Variants in KMT2B observed in about 807,000 individuals in gnomAD.
KMT2B encodes lysine methyltransferase 2B, also known as histone-lysine N-methyltransferase 2B.
KMT2B carries 22 observed loss-of-function variants against 255.3 expected under a neutral mutation model. The observed-to-expected ratio is 0.09, with a 90% CI of 0.06 to 0.12. The LOEUF (loss-of-function observed/expected upper bound fraction) is 0.12, where lower values mean the gene tolerates loss of function less well. KMT2B is among the 10% of genes least tolerant of loss of function. The pLI is 1.00. For synonymous variants in KMT2B, 1,730 were observed against 1,498.1 expected, an observed-to-expected ratio of 1.15 and a Z score of -3.57; for missense variants, 3,149 against 3,737.0, an observed-to-expected ratio of 0.84 and a Z score of 4.10.
Position 35,728,794 on chromosome 19 carries a change from T to C in KMT2B, c.4592T>C (p.Val1531Ala). The change falls in exon 20 of 37, where the codon GTG (valine) becomes GCG (alanine). Residue 1531 changes from valine to alanine, a missense_variant. This residue lies in a region of KMT2B where 377 missense variants were observed against 471.0 expected (regional missense o/e 0.80). Transcript: ENST00000420124. ...RLPNGVLPNA[V>A]LPPSLDHVYA... is the part of the protein sequence containing the mutation. ...CACAGCGGAGTCCTTCCCAATGCGG[T>C]GTTGCCCCCATCCCTGGATCATGTC... is the stretch of plus-strand genomic sequence containing the variant. 6.2e-7 allele frequency: 1 copy of C among 1,613,840 alleles called. No homozygotes were observed. The highest frequency in any genetic ancestry group is 8.5e-7 in the Non-Finnish European group (1 of 1,179,816).
chr19:35,727,670 C>T lies in KMT2B; in HGVS notation c.4303-28C>T. ...GATGGGCCGGGGCTAGGCCCACCCCCAGCCCTGCTAACTTCCCCGCTTTGC... is the reference window on the plus strand; with the variant it reads ...GATGGGCCGGGGCTAGGCCCACCCCTAGCCCTGCTAACTTCCCCGCTTTGC... On this transcript the variant is annotated intron_variant, in intron 16 of 36. Transcript: ENST00000420124. The surrounding 1 kb of genome is among the most constrained non-coding windows in gnomAD (Gnocchi z 4.2). The T allele has an allele frequency of 2.5e-6, 4 of 1,613,184 alleles. No homozygotes were observed. The highest frequency in any genetic ancestry group is 2.5e-6 in the Non-Finnish European group (3 of 1,179,744).
rs1969394286 is a variant in KMT2B, at chr19:35,725,390, G to A, written c.3642+57G>A. ...AGCTCTCTGTCGGTCCTCACGGCCTGATTCCTTGGGCCCTCTCAGCTGGGT... is the reference window on the plus strand; with the variant it reads ...AGCTCTCTGTCGGTCCTCACGGCCTAATTCCTTGGGCCCTCTCAGCTGGGT... On this transcript the variant is annotated intron_variant, in intron 11 of 36. Transcript: ENST00000420124. This position sits in a 1 kb window ranked among gnomAD's most constrained non-coding sequence, Gnocchi z 4.1. 1 of 1,574,022 alleles carries A rather than the reference G, an allele frequency of 6.4e-7. No individual in the cohort carries two copies. Among genetic ancestry groups the A allele is most frequent in the African/African-American group, 1.3e-5 (1 of 74,288 alleles).
Position 35,727,860 on chromosome 19 carries a change from C to T in KMT2B, c.4393-21C>T. ...TGGAATTGTGCAGAGGGGACTCAGT[C>T]TCTGACAAACCCCCTTACAGCACAG... On this transcript the variant is annotated intron_variant, in intron 17 of 36. Coordinates refer to ENST00000420124, the MANE Select transcript of KMT2B (RefSeq NM_014727.3). This position sits in a 1 kb window ranked among gnomAD's most constrained non-coding sequence, Gnocchi z 4.2. 60 of 1,611,060 alleles carry T rather than the reference C, an allele frequency of 3.7e-5. No homozygotes were observed. The highest frequency in any genetic ancestry group is 4.9e-5 in the Non-Finnish European group (58 of 1,177,864).
rs774022585 is a variant in KMT2B, at chr19:35,732,102, G to T, written c.5632G>T (p.Gly1878Trp). 1.1e-5 allele frequency: 17 copies of T among 1,603,496 alleles called. No homozygotes were observed. Among genetic ancestry groups the T allele is most frequent in the South Asian group, 6.7e-5 (6 of 89,442 alleles). ...CTACTCGCCATCCCGGAGGCCCTTG[G>T]GGGGTGTCTCCTTTGGCCCCCTGCC... is the stretch of plus-strand genomic sequence containing the variant. ...PNYSPSRRPL[G>W]GVSFGPLPSP... The change falls in exon 27 of 37, where the codon GGG becomes TGG. Residue 1878 changes from glycine to tryptophan, a missense_variant. Physicochemically the swap from Gly to Trp is radical, Grantham distance 184. Coordinates refer to ENST00000420124, the MANE Select transcript of KMT2B (RefSeq NM_014727.3).
Position 35,733,324 on chromosome 19 carries a change from C to CCCCGA in KMT2B, c.6778_6779insGACCC (p.Leu2260ArgfsTer3). ...CCCTGCCCCGCCCCCGCCACCCCCTCCCCTGACGCTGGTGCTGAGCAGTGG... is the reference window on the plus strand; with the variant it reads ...CCCTGCCCCGCCCCCGCCACCCCCTCCCCGACCCTGACGCTGGTGCTGAGCAGTGG... On this transcript the variant is annotated frameshift_variant, in exon 28 of 37. Transcript: ENST00000420124. LOFTEE classifies it high-confidence loss of function. The surrounding 1 kb of genome is among the most constrained non-coding windows in gnomAD (Gnocchi z 4.3). 1 of 1,516,036 alleles carries CCCCGA rather than the reference C, an allele frequency of 6.6e-7. No homozygotes were observed. Among genetic ancestry groups the CCCCGA allele is most frequent in the Non-Finnish European group, 8.9e-7 (1 of 1,118,202 alleles). 93.9% of individuals were successfully genotyped at this position (1,516,036 alleles called of 1,614,324 possible). A position where few individuals can be genotyped will look rare whatever the true frequency, so the allele number is the denominator to read the frequency against.
At chr19:35,729,335 C>T in intron 22 of KMT2B, 39 bp downstream of exon 22, 2 of 1,560,058 alleles carry the variant, frequency 1.3e-6, no homozygotes, top group South Asian at 1.2e-5. Context: ...AGCTCTCTGG[C>T]TCTTGGGGAG....
rs1305790349 is a variant in KMT2B at position 35,737,246 on chromosome 19, G to T, written c.7533G>T (p.Arg2511=). ...EPPLNPHGAA[R]AEVYLRKCTF... ...CCCTGAATCCCCATGGGGCTGCTCG[G>T]GCAGAGGTCTATCTCCGGTGAGAGG... is the stretch of plus-strand genomic sequence containing the variant. Residue 2511 remains arginine, a synonymous_variant, in exon 33 of 37, where the codon CGG becomes CGT. Transcript: ENST00000420124. The surrounding 1 kb of genome is among the most constrained non-coding windows in gnomAD (Gnocchi z 5.3). The T allele has an allele frequency of 5.2e-6, 8 of 1,541,488 alleles. No individual in the cohort carries two copies. The highest frequency in any genetic ancestry group is 7.0e-6 in the Non-Finnish European group (8 of 1,144,378).
At chr19:35,728,605 C>T (rs917846512) in intron 19 of KMT2B, among the ~76,000 whole-genome samples, 169 bp from the exon 20 acceptor site, 9 of 152,118 alleles carry the variant, frequency 5.9e-5, no homozygotes, top group African/African-American at 1.9e-4. Flanking sequence ...AGCAGCATTT[C>T]GTATGTCCAA....
chr19:35,725,793 G>C lies in KMT2B; in HGVS notation c.3860G>C (p.Arg1287Pro). 1.3e-6 allele frequency: 2 copies of C among 1,590,462 alleles called. No homozygotes were observed. The highest frequency in any genetic ancestry group is 1.7e-6 in the Non-Finnish European group (2 of 1,169,114). ...PACLGPSYPT[R>P]ATRKRRHWIC... ...TGTCTGGGGCCCAGCTATCCAACCCGGGCCACGCGCAAACGGCGCCACTGG... is the reference window on the plus strand; with the variant it reads ...TGTCTGGGGCCCAGCTATCCAACCCCGGCCACGCGCAAACGGCGCCACTGG... The change falls in exon 13 of 37, where the codon CGG (arginine) becomes CCG (proline). Residue 1287 changes from arginine (R) to proline (P), a missense_variant. By Grantham distance (103) the Arg-to-Pro change is moderately radical (BLOSUM62 -2). This residue lies in a region of KMT2B where 377 missense variants were observed against 471.0 expected (regional missense o/e 0.80). Coordinates refer to ENST00000420124, the MANE Select transcript of KMT2B (RefSeq NM_014727.3). The surrounding 1 kb of genome is among the most constrained non-coding windows in gnomAD (Gnocchi z 4.1).
At position 35,729,546 on chromosome 19, in the gene KMT2B, C is replaced by T. The variant is rs565122106; in HGVS notation, c.4917+250C>T. On this transcript the variant is annotated intron_variant, in intron 22 of 36. Coordinates refer to ENST00000420124, the MANE Select transcript of KMT2B (RefSeq NM_014727.3). Reference sequence around the variant, plus strand: ...GCCCATTGATTGAACCTGGGCTGCACGCTTTCCATGCTGGGTGGCGTTGAG... The same window carrying T: ...GCCCATTGATTGAACCTGGGCTGCATGCTTTCCATGCTGGGTGGCGTTGAG... Among the ~76,000 whole-genome samples the T allele has an allele frequency of 9.2e-5, 14 of 152,274 alleles. No individual in the cohort carries two copies. In the South Asian group the frequency reaches 2.5e-3, roughly 27 times the overall value.
rs781541056 is a variant in KMT2B at position 35,738,587 on chromosome 19, ACCT to A, written c.*34_*36del. On this transcript the variant is annotated 3_prime_UTR_variant, in exon 37 of 37. Coordinates refer to ENST00000420124, the MANE Select transcript of KMT2B (RefSeq NM_014727.3). The surrounding 1 kb of genome is among the most constrained non-coding windows in gnomAD (Gnocchi z 8.7). Reference sequence around the variant, plus strand: ...GTGGCTGCCCACCACGACCCCTCACACCTCCTGCTGCCGTCGCTGCCATCTTGC... The same window carrying A: ...GTGGCTGCCCACCACGACCCCTCACACCTGCTGCCGTCGCTGCCATCTTGC... 1.1e-5 allele frequency: 17 copies of A among 1,597,470 alleles called. No individual in the cohort carries two copies. The African/African-American group carries it at 1.5e-4, about 14-fold the overall frequency.
At position 35,721,543 on chromosome 19, in the gene KMT2B, G is replaced by A. The variant is rs765726541; in HGVS notation, c.2196G>A (p.Gln732=). The change falls in exon 3 of 37, where the codon CAG becomes CAA. Residue 732 remains glutamine (Q), a synonymous_variant. Coordinates refer to ENST00000420124, the MANE Select transcript of KMT2B (RefSeq NM_014727.3). The part of the protein sequence containing the change: ...HGAPALSNGP[Q]TQAQLLQPLQ... ...CTCCAGCTCTGAGCAACGGGCCACA[G>A]ACACAGGCTCAGCTACTGCAGCCCC... is the stretch of plus-strand genomic sequence containing the variant. 3.7e-6 allele frequency: 6 copies of A among 1,611,564 alleles called. No individual in the cohort carries two copies. Among genetic ancestry groups the A allele is most frequent in the Non-Finnish European group, 5.1e-6 (6 of 1,179,872 alleles).
In KMT2B at chr19:35,725,070, G is replaced by A. The variant is rs1969382045; in HGVS notation, c.3511G>A (p.Val1171Ile). ...GAAGTCTCCCGATGGTGTGCACCGCGTCCGTGTGGATTTTAAGGTATGGCA... is the reference window on the plus strand; with the variant it reads ...GAAGTCTCCCGATGGTGTGCACCGCATCCGTGTGGATTTTAAGGTATGGCA... ...KQKSPDGVHRVRVDFKEDCDL... is the reference protein window; with the variant it reads ...KQKSPDGVHRIRVDFKEDCDL... The change falls in exon 10 of 37, where the codon GTC becomes ATC. Residue 1171 changes from valine to isoleucine, a missense_variant. Val to Ile is a conservative substitution (Grantham distance 29, BLOSUM62 3). Coordinates refer to ENST00000420124, the MANE Select transcript of KMT2B (RefSeq NM_014727.3). This position sits in a 1 kb window ranked among gnomAD's most constrained non-coding sequence, Gnocchi z 4.1. 24 of 1,613,334 alleles carry A rather than the reference G, an allele frequency of 1.5e-5. No homozygotes were observed. The highest frequency in any genetic ancestry group is 5.3e-5 in the African/African-American group (4 of 74,922).
chr19:35,718,406 G>A lies in KMT2B; in HGVS notation c.363+25G>A. The A allele has an allele frequency of 8.0e-7, 1 of 1,251,544 alleles. No individual in the cohort carries two copies. The highest frequency in any genetic ancestry group is 1.0e-6 in the Non-Finnish European group (1 of 989,348). The allele number at this position is 1,251,544 out of a possible 1,614,324, so 77.5% of individuals were successfully genotyped here. On this transcript the variant is annotated intron_variant, in intron 1 of 36. Transcript: ENST00000420124. The surrounding 1 kb of genome is among the most constrained non-coding windows in gnomAD (Gnocchi z 5.0). ...GGTGAGGCGGTTGGAGGCGTCCCCG[G>A]CGCCGGGTGGGGCGGAGGCCGGGGC... is the stretch of plus-strand genomic sequence containing the variant.
intron 13 of KMT2B, 66 bp from the exon 14 acceptor site, chr19:35,726,170 C>A: frequency 8.2e-7 from 1 of 1,226,168 alleles, no homozygotes; most frequent in African/African-American, 1.5e-5. Flanking sequence ...CCTCCTCGCC[C>A]GTCTCCCGCT....
intron 2 of KMT2B, 72 bp downstream of exon 2, chr19:35,719,613 C>A: frequency 6.6e-7 from 1 of 1,519,462 alleles, no homozygotes; most frequent in South Asian, 1.2e-5. Flanking sequence ...CAGCTCTTCC[C>A]TGTTCAACTA....
rs1423362256 is a variant in KMT2B, at chr19:35,718,781, C to T, written c.363+400C>T. Among the ~76,000 whole-genome samples the T allele has an allele frequency of 6.6e-6, 1 of 152,146 alleles. No individual in the cohort carries two copies. The highest frequency in any genetic ancestry group is 1.9e-4 in the East Asian group (1 of 5,192). On this transcript the variant is annotated intron_variant, in intron 1 of 36. Coordinates refer to ENST00000420124, the MANE Select transcript of KMT2B (RefSeq NM_014727.3). This position sits in a 1 kb window ranked among gnomAD's most constrained non-coding sequence, Gnocchi z 5.0. ...GGCTCTTACCTGTGGGCCGCCCCGC[C>T]GGGCCTCGCAACCTCCTGGTTTCTC...
rs992191926 is a variant in KMT2B at position 35,718,136 on chromosome 19, G to A, written c.118G>A (p.Ala40Thr). 2.0e-5 allele frequency: 21 copies of A among 1,035,004 alleles called. No individual in the cohort carries two copies. The Admixed American group carries it at 4.6e-4, about 22-fold the overall frequency. The allele number at this position is 1,035,004 out of a possible 1,614,324, so 64.1% of individuals were successfully genotyped here. A position where few individuals can be genotyped will look rare whatever the true frequency, so the allele number is the denominator to read the frequency against. Residue 40 changes from alanine to threonine, a missense_variant, in exon 1 of 37, where the codon GCC (alanine) becomes ACC (threonine). By Grantham distance (58) the Ala-to-Thr change is moderately conservative (BLOSUM62 0). This residue lies in a region of KMT2B where 1,188 missense variants were observed against 1,106.4 expected (regional missense o/e 1.07). Transcript: ENST00000420124. This position sits in a 1 kb window ranked among gnomAD's most constrained non-coding sequence, Gnocchi z 5.0. ...GGGCCGCGGCGGACGGGGCAACGGGGCCGAAAGAGTGCGGGTAGCTCTGCG... is the reference window on the plus strand; with the variant it reads ...GGGCCGCGGCGGACGGGGCAACGGGACCGAAAGAGTGCGGGTAGCTCTGCG... ...GGGRGGRGNG[A>T]ERVRVALRRG...
rs1322199638 is a variant in KMT2B at position 35,730,368 on chromosome 19, T to A, written c.5103T>A (p.Asp1701Glu). 1 of 1,613,054 alleles carries A rather than the reference T, an allele frequency of 6.2e-7. No homozygotes were observed. Among genetic ancestry groups the A allele is most frequent in the Admixed American group, 1.7e-5 (1 of 60,016 alleles). The part of the protein sequence containing the change: ...GKEIVNPDGF[D>E]VLRRVYVDFE... ...AAATTGTGAACCCCGATGGTTTTGA[T>A]GTTCTCCGCCGAGTCTATGTGGACT... Residue 1701 changes from aspartate to glutamate, a missense_variant, in exon 24 of 37, where the codon GAT becomes GAA. This residue lies in a region of KMT2B where 58 missense variants were observed against 96.9 expected (regional missense o/e 0.60). Transcript: ENST00000420124.
Sources: allele counts gnomAD v4.1 joint callset (sites outside exome capture counted in the v4.1 genomes callset), GRCh38; gene constraint gnomAD v4.1.1; regional missense constraint gnomAD v4.1.1; non-coding constraint Gnocchi (gnomAD v3.1); transcripts MANE v1.5; gene names NCBI Gene and HGNC (gene_info 2026-07-23, HGNC 2026-07-21).